KCNAB1: variants seen among roughly 807,000 people sequenced by gnomAD.
KCNAB1 encodes voltage-gated potassium channel subunit beta-1.
KCNAB1 carries 35 observed loss-of-function variants against 64.6 expected under a neutral mutation model. The observed-to-expected ratio is 0.54, with a 90% CI of 0.41 to 0.72. KCNAB1 has a LOEUF of 0.72. KCNAB1 is among the 30% of genes least tolerant of loss of function. The pLI is 0.00. For synonymous variants in KCNAB1, 177 were observed against 183.8 expected, an observed-to-expected ratio of 0.96 and a Z score of 0.30; for missense variants, 401 against 512.9, an observed-to-expected ratio of 0.78 and a Z score of 2.11.
intron 2 of KCNAB1, among the ~76,000 whole-genome samples, chr3:156,448,418 A>C (rs1299918820): frequency 6.6e-6 from 1 of 152,190 alleles, no homozygotes; most frequent in Non-Finnish European, 1.5e-5. Context: ...AGCACAGTGG[A>C]AAATAAAATC....
intron 1 of KCNAB1, among the ~76,000 whole-genome samples, chr3:156,294,489 G>C (rs1720657706): frequency 6.6e-6 from 1 of 152,112 alleles, no homozygotes; most frequent in Admixed American, 6.5e-5. Context: ...GGTTAAAAGG[G>C]GGAGGGAGAC....
chr3:156,373,065 A>G (rs941089944), intron 1 of KCNAB1, among the ~76,000 whole-genome samples: 2 of 152,258 alleles, frequency 1.3e-5, no homozygotes, highest in Non-Finnish European at 2.9e-5. Context: ...GCATTATAAA[A>G]TTATGTGTGT....
intron 1 of KCNAB1, among the ~76,000 whole-genome samples, chr3:156,273,128 G>GAA (rs36084611): frequency 2.1e-5 from 3 of 141,470 alleles, no homozygotes; most frequent in African/African-American, 7.7e-5. Context: ...CTCCTCAAGT[G>GAA]AAAAAAAAAA....
intron 1 of KCNAB1, among the ~76,000 whole-genome samples, chr3:156,281,962 T>A (rs2108505026): frequency 6.6e-6 from 1 of 150,868 alleles, no homozygotes; most frequent in African/African-American, 2.5e-5. Context: ...TGTCTCTATT[T>A]CCTTCAGTTC....
At chr3:156,473,044 C>T (rs766310318) in intron 7 of KCNAB1, among the ~76,000 whole-genome samples, 2 of 152,208 alleles carry the variant, frequency 1.3e-5, no homozygotes, top group Non-Finnish European at 2.9e-5. Flanking sequence ...ATACTTATTT[C>T]CTCTGCCAGG....
At chr3:156,220,211 A>G (rs1715623079) in intron 1 of KCNAB1, among the ~76,000 whole-genome samples, 1 of 152,212 alleles carries the variant, frequency 6.6e-6, no homozygotes, top group South Asian at 2.1e-4. Flanking sequence ...AGCATGATTT[A>G]TAATCATTTG....
chr3:156,260,418 A>G (rs1214184492), intron 1 of KCNAB1, among the ~76,000 whole-genome samples: 1 of 152,160 alleles, frequency 6.6e-6, no homozygotes, highest in Non-Finnish European at 1.5e-5. Flanking sequence ...TCCTGTTTGC[A>G]GTTAATCCCT....
At chr3:156,351,458 G>C (rs1370482321) in intron 1 of KCNAB1, among the ~76,000 whole-genome samples, 2 of 152,232 alleles carry the variant, frequency 1.3e-5, no homozygotes. Flanking sequence ...GTTAATTAAG[G>C]CTCCAGTTCC....
intron 1 of KCNAB1, among the ~76,000 whole-genome samples, chr3:156,396,896 G>A (rs188309217): frequency 1.9e-3 from 296 of 152,264 alleles, no homozygotes; most frequent in African/African-American, 6.7e-3. Flanking sequence ...GTTCAGATGC[G>A]TTTCTTCTTA....
intron 1 of KCNAB1, among the ~76,000 whole-genome samples, chr3:156,226,500 G>C (rs1716181553): frequency 6.6e-6 from 1 of 152,150 alleles, no homozygotes; most frequent in Non-Finnish European, 1.5e-5. Context: ...CATTGGCTTA[G>C]ACAAGACGTC....
intron 7 of KCNAB1, among the ~76,000 whole-genome samples, chr3:156,467,313 A>T (rs1713488715): frequency 6.6e-6 from 1 of 152,158 alleles, no homozygotes; most frequent in Admixed American, 6.5e-5. Context: ...GTAAGTTGTG[A>T]ACTATCTGTA....
intron 1 of KCNAB1, among the ~76,000 whole-genome samples, chr3:156,286,278 T>C (rs934317381): frequency 6.6e-6 from 1 of 152,278 alleles, no homozygotes; most frequent in African/African-American, 2.4e-5. Flanking sequence ...CAAACCCATG[T>C]TTTAAGAATT....
chr3:156,124,111 T>C (rs1713506092), intron 1 of KCNAB1, among the ~76,000 whole-genome samples: 2 of 152,046 alleles, frequency 1.3e-5, no homozygotes, highest in Admixed American at 1.3e-4. Context: ...ATTCTTCTTT[T>C]ATATACTATT....
chr3:156,505,872 C>T (rs1279709693), intron 8 of KCNAB1, among the ~76,000 whole-genome samples: 1 of 152,076 alleles, frequency 6.6e-6, no homozygotes, highest in African/African-American at 2.4e-5. Context: ...AGATCCCAGA[C>T]TCTTTTAAAC....
chr3:156,188,455 T>G (rs1453116587), intron 1 of KCNAB1, among the ~76,000 whole-genome samples: 1 of 152,168 alleles, frequency 6.6e-6, no homozygotes, highest in East Asian at 1.9e-4. Flanking sequence ...TTCAAAGGCT[T>G]GACATTTAAT....
intron 8 of KCNAB1, among the ~76,000 whole-genome samples, chr3:156,501,457 T>G (rs1228956988): frequency 8.1e-6 from 1 of 123,806 alleles, no homozygotes. Flanking sequence ...TTGAGAGGAG[T>G]CTCGCTCTGT....
At chr3:156,362,317 T>A (rs973157057) in intron 1 of KCNAB1, among the ~76,000 whole-genome samples, 2 of 152,160 alleles carry the variant, frequency 1.3e-5, no homozygotes, top group Non-Finnish European at 2.9e-5. Context: ...GAATGAGGAG[T>A]GAAGCAACAG....
chr3:156,357,092 A>C (rs771417400), intron 1 of KCNAB1, among the ~76,000 whole-genome samples: 6 of 152,122 alleles, frequency 3.9e-5, no homozygotes, highest in Admixed American at 6.5e-5. Flanking sequence ...AGATTTATGC[A>C]TGAGCATGTA....
intron 1 of KCNAB1, among the ~76,000 whole-genome samples, chr3:156,208,163 A>G (rs1714779399): frequency 6.6e-6 from 1 of 152,164 alleles, no homozygotes; most frequent in African/African-American, 2.4e-5. Context: ...GACTGGGACC[A>G]AAGTTTGGGA....
Sources: allele counts gnomAD v4.1 joint callset (sites outside exome capture counted in the v4.1 genomes callset), GRCh38; gene constraint gnomAD v4.1.1; transcripts MANE v1.5; gene names NCBI Gene and HGNC (gene_info 2026-07-23, HGNC 2026-07-21).